The following SCAF8 variants were observed in gnomAD, a reference collection of about 807,000 sequenced individuals.
SCAF8 encodes SR-related CTD associated factor 8.
A neutral mutation model predicts 140.5 loss-of-function variants in SCAF8; 23 were observed. That is an observed-to-expected ratio of 0.16 (90% CI 0.12 to 0.23). The LOEUF (loss-of-function observed/expected upper bound fraction) is 0.23. Among genes scored for constraint, SCAF8 ranks in the 10% least tolerant of loss-of-function variants. The probability of loss-of-function intolerance (pLI) is 1.00; values close to 1 mark genes in which losing one functional copy is unlikely to be tolerated. For missense variants in SCAF8, 1,397 were observed against 1,555.7 expected, an observed-to-expected ratio of 0.90 and a Z score of 1.72; for synonymous variants, 575 against 528.9, an observed-to-expected ratio of 1.09 and a Z score of -1.20.
intron 15 of SCAF8, 50 bp from the exon 16 acceptor site, chr6:154,822,226 T>A: frequency 6.4e-7 from 1 of 1,552,494 alleles, no homozygotes; most frequent in South Asian, 1.2e-5. Flanking sequence ...AAGAAGAAAA[T>A]GAAAAGTTGC....
At chr6:154,754,069 G>A (rs1237365665) in intron 1 of SCAF8, among the ~76,000 whole-genome samples, 1 of 152,214 alleles carries the variant, frequency 6.6e-6, no homozygotes, top group African/African-American at 2.4e-5. Context: ...TAGGAGAAAG[G>A]TGGAGTTAGT....
intron 9 of SCAF8, 84 bp from the exon 10 acceptor site, chr6:154,807,986 A>T: frequency 8.2e-7 from 1 of 1,226,260 alleles, no homozygotes; most frequent in Non-Finnish European, 1.1e-6. Context: ...TAAACATGTA[A>T]TTGTGATGTT....
At chr6:154,782,521 CTTG>C in intron 3 of SCAF8, among the ~76,000 whole-genome samples, 2 of 152,212 alleles carry the variant, frequency 1.3e-5, no homozygotes, top group South Asian at 4.1e-4. Flanking sequence ...GGTTTTAGAA[CTTG>C]TTATGATCCT....
chr6:154,733,814 C>G lies in SCAF8; in HGVS notation c.-87C>G. The G allele has an allele frequency of 6.8e-7, 1 of 1,464,414 alleles. No homozygotes were observed. The highest frequency in any genetic ancestry group is 9.0e-7 in the Non-Finnish European group (1 of 1,110,974). 90.7% of individuals were successfully genotyped at this position (1,464,414 alleles called of 1,614,324 possible). ...CGCCAGCGCCCCCTCCTCGCGGCCA[C>G]GCAGCAGCCCGCGTCTCGCTCTCCC... On this transcript the variant is annotated 5_prime_UTR_variant, in exon 1 of 20. Coordinates refer to ENST00000367178, the MANE Select transcript of SCAF8 (RefSeq NM_014892.5).
chr6:154,804,476 T>C (rs563236345), intron 8 of SCAF8, among the ~76,000 whole-genome samples: 1 of 152,334 alleles, frequency 6.6e-6, no homozygotes, highest in South Asian at 2.1e-4. Flanking sequence ...ATCCAGTATT[T>C]TAATGCTTTC....
chr6:154,793,589 C>G (rs1777489909), intron 5 of SCAF8, among the ~76,000 whole-genome samples: 1 of 151,512 alleles, frequency 6.6e-6, no homozygotes, highest in Non-Finnish European at 1.5e-5. Flanking sequence ...CCGAGGCAGG[C>G]AGATCGCCTG....
chr6:154,768,789 G>A (rs898584946), intron 1 of SCAF8, among the ~76,000 whole-genome samples: 3 of 152,070 alleles, frequency 2.0e-5, no homozygotes, highest in Admixed American at 6.6e-5. Flanking sequence ...TAAGCCAGGC[G>A]CAGTGGCTCA....
intron 18 of SCAF8, among the ~76,000 whole-genome samples, chr6:154,829,856 G>A (rs1287198107): frequency 2.0e-5 from 3 of 152,156 alleles, no homozygotes; most frequent in Admixed American, 6.5e-5. Flanking sequence ...GCAGTGAGCC[G>A]AGATCACGCT....
rs929593018 is a variant in SCAF8 at position 154,831,172 on chromosome 6, G to A, written c.2359+32G>A. 2.9e-6 allele frequency: 4 copies of A among 1,366,632 alleles called. No individual in the cohort carries two copies. The African/African-American group carries it at 5.9e-5, about 20-fold the overall frequency. 84.7% of individuals were successfully genotyped at this position (1,366,632 alleles called of 1,614,324 possible). ...AATAATAATAAAATTTAAAAAAAGAGGTTGCCTCTCTGTATTTGGTGTTTA... is the reference window on the plus strand; with the variant it reads ...AATAATAATAAAATTTAAAAAAAGAAGTTGCCTCTCTGTATTTGGTGTTTA... On this transcript the variant is annotated intron_variant, in intron 19 of 19. Coordinates refer to ENST00000367178, the MANE Select transcript of SCAF8 (RefSeq NM_014892.5).
intron 3 of SCAF8, among the ~76,000 whole-genome samples, chr6:154,787,245 G>A (rs1172840500): frequency 3.9e-5 from 6 of 152,240 alleles, no homozygotes; most frequent in Non-Finnish European, 5.9e-5. Context: ...TGTGGTCACA[G>A]CTATTTGGAA....
intron 3 of SCAF8, among the ~76,000 whole-genome samples, chr6:154,783,038 A>G (rs915719644): frequency 7.9e-5 from 12 of 152,136 alleles, no homozygotes; most frequent in African/African-American, 2.9e-4. Context: ...TAAATAACTA[A>G]CTTACCTTAG....
At position 154,805,562 on chromosome 6, in the gene SCAF8, T is replaced by C. The variant is rs542405465; in HGVS notation, c.981+76T>C. On this transcript the variant is annotated intron_variant, in intron 9 of 19. Coordinates refer to ENST00000367178, the MANE Select transcript of SCAF8 (RefSeq NM_014892.5). ...TAAATTGGCATTTTTGTGGGTTGGC[T>C]TTTTTTTTTTTTAATTGGTCTTAAT... The C allele has an allele frequency of 1.1e-3, 224 of 208,984 alleles. 2 individuals are homozygous for C. The highest frequency in any genetic ancestry group is 5.3e-3 in the African/African-American group (202 of 38,130). The allele number at this position is 208,984 out of a possible 1,614,324, so 12.9% of individuals were successfully genotyped here.
At chr6:154,780,165 C>T (rs1251606575) in intron 3 of SCAF8, among the ~76,000 whole-genome samples, 2 of 152,066 alleles carry the variant, frequency 1.3e-5, no homozygotes, top group African/African-American at 2.4e-5. Flanking sequence ...ACTCGACTCA[C>T]CTCCTCCTCC....
chr6:154,804,144 A>C (rs900527625), intron 8 of SCAF8, among the ~76,000 whole-genome samples: 1 of 151,872 alleles, frequency 6.6e-6, no homozygotes, highest in Non-Finnish European at 1.5e-5. Context: ...ATGTGAATGG[A>C]CTAGTAGGGG....
intron 1 of SCAF8, among the ~76,000 whole-genome samples, chr6:154,748,727 T>G (rs76570651): frequency 6.6e-6 from 1 of 152,338 alleles, no homozygotes; most frequent in East Asian, 1.9e-4. Context: ...GTCTCTGTTT[T>G]GGTGGTAATT....
chr6:154,828,057 C>T (rs1446280649), intron 18 of SCAF8, among the ~76,000 whole-genome samples: 4 of 152,110 alleles, frequency 2.6e-5, no homozygotes, highest in African/African-American at 9.7e-5. Context: ...TTTTGATTCA[C>T]TCTTGGTGTT....
chr6:154,785,217 A>T lies in SCAF8; in HGVS notation c.160-2644A>T, dbSNP rs183971228. On this transcript the variant is annotated intron_variant, in intron 3 of 19. Coordinates refer to ENST00000367178, the MANE Select transcript of SCAF8 (RefSeq NM_014892.5). ...GTTGCTGTATATTTTCCATTATGTG[A>T]ATAGACGGCAGCTTGCCCACTTCTG... Among the ~76,000 whole-genome samples, 7 of 152,284 alleles carry T rather than the reference A, an allele frequency of 4.6e-5. No homozygotes were observed. In the East Asian group the frequency reaches 1.3e-3, roughly 29 times the overall value.
chr6:154,739,816 C>G (rs1463018630), intron 1 of SCAF8, among the ~76,000 whole-genome samples: 2 of 152,138 alleles, frequency 1.3e-5, no homozygotes, highest in African/African-American at 2.4e-5. Context: ...TTTTGTCTAA[C>G]TATAGGACTT....
At chr6:154,794,893 A>G in intron 5 of SCAF8, 116 bp from the exon 6 acceptor site, 1 of 957,852 alleles carries the variant, frequency 1.0e-6, no homozygotes, top group Non-Finnish European at 1.5e-6. Flanking sequence ...CAATAAAATA[A>G]AAACAATATG....
Sources: allele counts gnomAD v4.1 joint callset (sites outside exome capture counted in the v4.1 genomes callset), GRCh38; gene constraint gnomAD v4.1.1; transcripts MANE v1.5; gene names NCBI Gene and HGNC (gene_info 2026-07-23, HGNC 2026-07-21).